ZNF766: variants seen among roughly 807,000 people sequenced by gnomAD.
ZNF766 encodes the protein zinc finger protein 766.
A neutral mutation model predicts 13.2 loss-of-function variants in ZNF766; 13 were observed. The observed-to-expected ratio is 0.98, with a 90% CI of 0.64 to 1.56. ZNF766 has a LOEUF of 1.56. ZNF766 is among the 40% of genes most tolerant of loss of function. The probability of loss-of-function intolerance (pLI) is 0.00; values close to 1 mark genes in which losing one functional copy is unlikely to be tolerated. For synonymous variants in ZNF766, 178 were observed against 187.6 expected, an observed-to-expected ratio of 0.95 and a Z score of 0.42; for missense variants, 521 against 552.2, an observed-to-expected ratio of 0.94 and a Z score of 0.57.
intron 1 of ZNF766, chr19:52,277,678 G>C (rs1377867181): frequency 2.1e-6 from 2 of 955,356 alleles, no homozygotes; most frequent in African/African-American, 3.2e-5. Context: ...CCTTCCTTCA[G>C]TCCCTCTCAT....
chr19:52,277,316 G>C (rs1981255510), intron 1 of ZNF766: 4 of 945,856 alleles, frequency 4.2e-6, no homozygotes, highest in Non-Finnish European at 6.0e-6. Context: ...AAAATTACCT[G>C]GGCGTGTTGG....
At position 52,291,651 on chromosome 19, in the gene ZNF766, C is replaced by T. The variant is rs143035362; in HGVS notation, c.*453C>T. On this transcript the variant is annotated 3_prime_UTR_variant, in exon 4 of 4. Transcript: ENST00000439461. ...GCACATGCCTGCAATCCCAGCTACT[C>T]GGGAGGCTGAGGCAGGAGAATTGCT... 2.2e-3 allele frequency: 354 copies of T among 160,122 alleles called. 7 individuals carry two copies. The East Asian group carries it at 0.028, about 13-fold the overall frequency. The allele number at this position is 160,122 out of a possible 1,614,324, so 9.9% of individuals were successfully genotyped here.
rs75442592 is a variant in ZNF766, at chr19:52,292,317, T to C, written c.*1119T>C. ...TGGACAGAGAATAACAAAACCGTGA[T>C]GGCAGTCATCATGCTTATTGCAGTT... On this transcript the variant is annotated 3_prime_UTR_variant, in exon 4 of 4. Coordinates refer to ENST00000439461, the MANE Select transcript of ZNF766 (RefSeq NM_001010851.3). 1.6e-3 allele frequency: 1,045 copies of C among 635,774 alleles called. 18 individuals are homozygous for C. The East Asian group carries it at 0.028, about 17-fold the overall frequency. 39.4% of individuals were successfully genotyped at this position (635,774 alleles called of 1,614,324 possible). A position where few individuals can be genotyped will look rare whatever the true frequency, so the allele number is the denominator to read the frequency against.
chr19:52,276,484 A>G (rs1981207534), intron 1 of ZNF766, among the ~76,000 whole-genome samples: 1 of 152,126 alleles, frequency 6.6e-6, no homozygotes, highest in Non-Finnish European at 1.5e-5. Flanking sequence ...CAATCTGTTA[A>G]TAGTCTTCTT....
Position 52,291,184 on chromosome 19 carries a change from GTCC to G in ZNF766, c.1395_1397del (p.Leu466del). The G allele has an allele frequency of 6.4e-7, 1 of 1,567,288 alleles. No individual in the cohort carries two copies. On this transcript the variant is annotated inframe_deletion, in exon 4 of 4. Transcript: ENST00000439461. Reference sequence around the variant, plus strand: ...GCATCAGAGAAGTGTTCATGAGAGAGTCCTTACAAACTGAGTTTGGCAAACTCT... The same window carrying G: ...GCATCAGAGAAGTGTTCATGAGAGAGTTACAAACTGAGTTTGGCAAACTCT...
chr19:52,279,084 TC>T (rs1212749368), intron 1 of ZNF766, among the ~76,000 whole-genome samples: 21 of 152,324 alleles, frequency 1.4e-4, no homozygotes, highest in African/African-American at 4.8e-4. Flanking sequence ...GCTTCAATCT[TC>T]TGCATGTGGC....
At chr19:52,273,620 T>G (rs752763504) in intron 1 of ZNF766, among the ~76,000 whole-genome samples, 5 of 152,202 alleles carry the variant, frequency 3.3e-5, no homozygotes, top group Non-Finnish European at 7.3e-5. Context: ...CTTCCCCAGG[T>G]CTTTGTTCTG....
intron 3 of ZNF766, among the ~76,000 whole-genome samples, chr19:52,286,797 G>A (rs914619116): frequency 6.6e-6 from 1 of 152,050 alleles, no homozygotes; most frequent in African/African-American, 2.4e-5. Flanking sequence ...ATTTTGTTGA[G>A]GATTTTTGCA....
At chr19:52,271,481 G>C (rs1479069070) in intron 1 of ZNF766, among the ~76,000 whole-genome samples, 3 of 152,188 alleles carry the variant, frequency 2.0e-5, no homozygotes, top group African/African-American at 7.2e-5. Context: ...TCTCTACTCA[G>C]TAGTAACTGG....
At chr19:52,276,040 A>C (rs1981181195) in intron 1 of ZNF766, among the ~76,000 whole-genome samples, 1 of 152,210 alleles carries the variant, frequency 6.6e-6, no homozygotes. Context: ...CCGTTGTTAC[A>C]GTTGACTATA....
At chr19:52,276,700 C>T (rs1471281180) in intron 1 of ZNF766, among the ~76,000 whole-genome samples, 1 of 152,136 alleles carries the variant, frequency 6.6e-6, no homozygotes, top group Non-Finnish European at 1.5e-5. Flanking sequence ...CAGTACTGTT[C>T]CAAGTTTCAT....
In ZNF766 at chr19:52,283,309, T is replaced by C; in HGVS notation, c.170T>C (p.Ile57Thr). The change falls in exon 3 of 4, where the codon ATT (isoleucine) becomes ACT (threonine). Residue 57 changes from isoleucine to threonine, a missense_variant. Ile to Thr is a moderately conservative substitution (Grantham distance 89). Coordinates refer to ENST00000439461, the MANE Select transcript of ZNF766 (RefSeq NM_001010851.3). ...SLGICLPDLS[I>T]ISMMKQRTEP... is the part of the protein sequence containing the mutation. Reference sequence around the variant, plus strand: ...GGAATCTGTCTTCCTGACCTGAGTATTATCTCCATGATGAAGCAAAGGACA... The same window carrying C: ...GGAATCTGTCTTCCTGACCTGAGTACTATCTCCATGATGAAGCAAAGGACA... 6.2e-7 allele frequency: 1 copy of C among 1,613,918 alleles called. No individual in the cohort carries two copies. The highest frequency in any genetic ancestry group is 2.2e-5 in the East Asian group (1 of 44,880).
intron 1 of ZNF766, among the ~76,000 whole-genome samples, chr19:52,279,288 A>C (rs996313929): frequency 5.3e-5 from 8 of 152,162 alleles, no homozygotes; most frequent in Non-Finnish European, 1.0e-4. Flanking sequence ...CTTGTGGTAT[A>C]GTTTGAAGTT....
rs1441726052 is a variant in ZNF766, at chr19:52,292,746, C to T, written c.*1548C>T. On this transcript the variant is annotated 3_prime_UTR_variant, in exon 4 of 4. Coordinates refer to ENST00000439461, the MANE Select transcript of ZNF766 (RefSeq NM_001010851.3). ...TGTGAATGATTTACCTTCTTTCTACCAATATTGTTTTATCTCGTCTCAGGA... is the reference window on the plus strand; with the variant it reads ...TGTGAATGATTTACCTTCTTTCTACTAATATTGTTTTATCTCGTCTCAGGA... 1 of 152,152 alleles carries T rather than the reference C, an allele frequency of 6.6e-6. No homozygotes were observed. The highest frequency in any genetic ancestry group is 1.5e-5 in the Non-Finnish European group (1 of 68,066). 9.4% of individuals were successfully genotyped at this position (152,152 alleles called of 1,614,324 possible). A position where few individuals can be genotyped will look rare whatever the true frequency, so the allele number is the denominator to read the frequency against.
At chr19:52,285,733 C>T (rs1981784123) in intron 3 of ZNF766, among the ~76,000 whole-genome samples, 1 of 152,144 alleles carries the variant, frequency 6.6e-6, no homozygotes, top group Non-Finnish European at 1.5e-5. Flanking sequence ...CAGCAGGAAC[C>T]TCTCTGGGGA....
Position 52,291,448 on chromosome 19 carries a change from G to C in ZNF766, c.*250G>C. ...GTGCAAGGACACGTGGAAATGATCT[G>C]TAATATTCGGGTTATTAAAAATGTA... On this transcript the variant is annotated 3_prime_UTR_variant, in exon 4 of 4. Coordinates refer to ENST00000439461, the MANE Select transcript of ZNF766 (RefSeq NM_001010851.3). 1 of 406,474 alleles carries C rather than the reference G, an allele frequency of 2.5e-6. No homozygotes were observed. The highest frequency in any genetic ancestry group is 4.3e-6 in the Non-Finnish European group (1 of 229,980). The allele number at this position is 406,474 out of a possible 1,614,324, so 25.2% of individuals were successfully genotyped here. A position where few individuals can be genotyped will look rare whatever the true frequency, so the allele number is the denominator to read the frequency against.
At chr19:52,285,593 A>G (rs1457643260) in intron 3 of ZNF766, among the ~76,000 whole-genome samples, 2 of 152,220 alleles carry the variant, frequency 1.3e-5, no homozygotes, top group African/African-American at 4.8e-5. Flanking sequence ...TGGAGCTTCC[A>G]AGCCCTCCCT....
intron 3 of ZNF766, among the ~76,000 whole-genome samples, chr19:52,287,761 T>C (rs955679833): frequency 4.6e-5 from 7 of 152,204 alleles, no homozygotes; most frequent in African/African-American, 1.7e-4. Context: ...ATATTTTTTG[T>C]TATATAATTG....
rs544761140 is a variant in ZNF766 at position 52,282,865 on chromosome 19, A to G, written c.146-420A>G. ...GTTCTTGGAAGAGAGTTCGATGTCC[A>G]ATTATTACACAGTTCCCTACGCATT... is the stretch of plus-strand genomic sequence containing the variant. On this transcript the variant is annotated intron_variant, in intron 2 of 3. Transcript: ENST00000439461. Among the ~76,000 whole-genome samples, 5 of 152,308 alleles carry G rather than the reference A, an allele frequency of 3.3e-5. No homozygotes were observed. In the East Asian group the frequency reaches 5.8e-4, roughly 18 times the overall value.
Sources: gnomAD v4.1 joint callset for allele counts (sites outside exome capture counted in the v4.1 genomes callset) on GRCh38, gnomAD v4.1.1 for gene constraint, MANE v1.5 for transcripts, NCBI Gene and HGNC (gene_info 2026-07-23, HGNC 2026-07-21) for gene names.